The following ARID1B variants were observed in gnomAD, a reference collection of about 807,000 sequenced individuals.
ARID1B encodes AT-rich interactive domain-containing protein 1B.
Under a neutral mutation model 212.3 loss-of-function variants are expected in ARID1B, and 30 were observed. The observed-to-expected ratio is 0.14, with a 90% CI of 0.11 to 0.19. ARID1B has a LOEUF of 0.19. ARID1B is among the 10% of genes least tolerant of loss of function. ARID1B has a pLI of 1.00. For missense variants in ARID1B, 2,891 were observed against 3,204.0 expected (o/e 0.90, Z 2.36); for synonymous variants, 1,402 against 1,301.7 (o/e 1.08, Z -1.66).
chr6:156,878,801 T>C (rs1786803772), intron 2 of ARID1B, among the ~76,000 whole-genome samples: 1 of 152,242 alleles, frequency 6.6e-6, no homozygotes, highest in African/African-American at 2.4e-5. Context: ...GCTGCTTTAA[T>C]GCTTGCAATT....
chr6:156,822,284 TC>T (rs1782405305), intron 1 of ARID1B, among the ~76,000 whole-genome samples: 1 of 152,230 alleles, frequency 6.6e-6, no homozygotes, highest in Admixed American at 6.5e-5. Flanking sequence ...TTAGTTCAAG[TC>T]TTAATAAGCA....
chr6:157,111,485 C>T (rs1451122042), intron 6 of ARID1B, among the ~76,000 whole-genome samples: 3 of 152,180 alleles, frequency 2.0e-5, no homozygotes, highest in Non-Finnish European at 4.4e-5. Flanking sequence ...CTGTCCTGCA[C>T]TCCCCTCCTC....
chr6:156,897,252 C>CTTATTATTATTATTATTATTA (rs1351964431), intron 2 of ARID1B, among the ~76,000 whole-genome samples: 5 of 96,828 alleles, frequency 5.2e-5, no homozygotes, highest in Non-Finnish European at 1.1e-4. Context: ...TCTTCTTCTT[C>CTTATTATTATTATTATTATTA]TTCTTCTTCT....
At chr6:157,090,554 ATTG>A (rs1427648173) in intron 5 of ARID1B, among the ~76,000 whole-genome samples, 1 of 152,250 alleles carries the variant, frequency 6.6e-6, no homozygotes, top group East Asian at 1.9e-4. Context: ...TTTCATGGCT[ATTG>A]TTCTTCTTGC....
At chr6:156,854,259 G>A (rs1028504708) in intron 2 of ARID1B, among the ~76,000 whole-genome samples, 1 of 152,148 alleles carries the variant, frequency 6.6e-6, no homozygotes, top group Non-Finnish European at 1.5e-5. Context: ...TTTCTGGCAG[G>A]GGGCACTAAG....
intron 4 of ARID1B, among the ~76,000 whole-genome samples, chr6:157,070,917 C>T (rs562325222): frequency 6.6e-6 from 1 of 152,252 alleles, no homozygotes; most frequent in African/African-American, 2.4e-5. Flanking sequence ...TGAGAAATTC[C>T]TTTCTAACCA....
intron 2 of ARID1B, among the ~76,000 whole-genome samples, chr6:156,854,199 C>T (rs1260980876): frequency 6.6e-6 from 1 of 152,172 alleles, no homozygotes; most frequent in Non-Finnish European, 1.5e-5. Flanking sequence ...TTCCTTTTAT[C>T]AACCAAAGCT....
At chr6:157,128,060 G>A (rs987114662) in intron 6 of ARID1B, among the ~76,000 whole-genome samples, 26 of 151,942 alleles carry the variant, frequency 1.7e-4, no homozygotes, top group African/African-American at 2.4e-5. Context: ...AACCCTATGA[G>A]GTAGATATGA....
intron 4 of ARID1B, among the ~76,000 whole-genome samples, chr6:156,968,999 A>T (rs1005407667): frequency 6.6e-6 from 1 of 152,222 alleles, no homozygotes; most frequent in African/African-American, 2.4e-5. Flanking sequence ...CCACATGCGC[A>T]CAGTTGCACT....
In ARID1B at chr6:157,190,747, G is replaced by C. The variant is rs528323987; in HGVS notation, c.4231+537G>C. ...CTTCCTGGGAGGAAGCAAAAAATAA[G>C]TTAAGCACAAATAAGCAGTTAAAGA... On this transcript the variant is annotated intron_variant, in intron 15 of 19. Transcript: ENST00000636930. This position sits in a 1 kb window ranked among gnomAD's most constrained non-coding sequence, Gnocchi z 4.6. 6.6e-6 allele frequency among the ~76,000 whole-genome samples: 1 copy of C among 152,272 alleles called. No individual in the cohort carries two copies. Among genetic ancestry groups the C allele is most frequent in the South Asian group, 2.1e-4 (1 of 4,820 alleles).
At chr6:157,120,317 G>T (rs1269005484) in intron 6 of ARID1B, among the ~76,000 whole-genome samples, 1 of 152,184 alleles carries the variant, frequency 6.6e-6, no homozygotes, top group Non-Finnish European at 1.5e-5. Context: ...GTCAGTAGCG[G>T]AAAGGAGTTT....
At chr6:156,784,649 A>AT (rs1290703011) in intron 1 of ARID1B, among the ~76,000 whole-genome samples, 7 of 152,162 alleles carry the variant, frequency 4.6e-5, no homozygotes, top group Non-Finnish European at 8.8e-5. Context: ...GAGTGAGTGA[A>AT]TTTTTTCAGA....
rs1376420693 is a variant in ARID1B at position 157,210,755 on chromosome 6, T to G, written c.*2864T>G. On this transcript the variant is annotated 3_prime_UTR_variant, in exon 20 of 20. Transcript: ENST00000636930. ...TAAAGGTGCAAAGAAAGTTTAGTATTTTGGAATGGTGCTATAAAGTTGAAT... is the reference window on the plus strand; with the variant it reads ...TAAAGGTGCAAAGAAAGTTTAGTATGTTGGAATGGTGCTATAAAGTTGAAT... The G allele has an allele frequency of 4.3e-6, 1 of 231,056 alleles. No homozygotes were observed. Among genetic ancestry groups the G allele is most frequent in the Non-Finnish European group, 8.6e-6 (1 of 116,920 alleles). The allele number at this position is 231,056 out of a possible 1,614,324, so 14.3% of individuals were successfully genotyped here. A position where few individuals can be genotyped will look rare whatever the true frequency, so the allele number is the denominator to read the frequency against.
chr6:156,855,826 C>G (rs1050402764), intron 2 of ARID1B, among the ~76,000 whole-genome samples: 1 of 152,110 alleles, frequency 6.6e-6, no homozygotes, highest in Non-Finnish European at 1.5e-5. Flanking sequence ...GCTCTGGAAT[C>G]TAGGAACCAG....
chr6:156,801,804 T>C (rs1391804778), intron 1 of ARID1B, among the ~76,000 whole-genome samples: 9 of 152,202 alleles, frequency 5.9e-5, no homozygotes, highest in Admixed American at 3.3e-4. Context: ...GTGTTTTTTT[T>C]CTTCCACGAT....
chr6:156,781,345 G>A (rs1779253190), intron 1 of ARID1B, among the ~76,000 whole-genome samples: 1 of 151,772 alleles, frequency 6.6e-6, no homozygotes, highest in South Asian at 2.1e-4. Flanking sequence ...CTGCTTACAC[G>A]ATGAATTAGG....
chr6:157,039,676 TCC>T (rs1562569205), intron 4 of ARID1B, among the ~76,000 whole-genome samples: 2 of 100,972 alleles, frequency 2.0e-5, no homozygotes, highest in Non-Finnish European at 2.3e-5. Context: ...CTTCCTTCCT[TCC>T]TTCCTTCCTT....
chr6:156,816,397 T>A (rs955754962), intron 1 of ARID1B, among the ~76,000 whole-genome samples: 1 of 152,224 alleles, frequency 6.6e-6, no homozygotes, highest in African/African-American at 2.4e-5. Flanking sequence ...TTTGTTTTTT[T>A]ATTAAAGAAA....
chr6:156,889,141 T>C (rs1297214176), intron 2 of ARID1B, among the ~76,000 whole-genome samples: 1 of 152,254 alleles, frequency 6.6e-6, no homozygotes, highest in Non-Finnish European at 1.5e-5. Flanking sequence ...GTATGAATTA[T>C]TTAACTCTTA....
Sources: allele counts gnomAD v4.1 joint callset (sites outside exome capture counted in the v4.1 genomes callset), GRCh38; gene constraint gnomAD v4.1.1; non-coding constraint Gnocchi (gnomAD v3.1); transcripts MANE v1.5; gene names NCBI Gene and HGNC (gene_info 2026-07-23, HGNC 2026-07-21).